RPS6KA3: variants seen among roughly 807,000 people sequenced by gnomAD.
The protein encoded by RPS6KA3 is ribosomal protein S6 kinase A3.
In RPS6KA3, 4 loss-of-function variants were observed where a neutral mutation model predicts 67.2. That is an observed-to-expected ratio of 0.06 (90% CI 0.03 to 0.14). The LOEUF (loss-of-function observed/expected upper bound fraction) is 0.14. RPS6KA3 is among the 10% of genes least tolerant of loss of function. The pLI is 1.00. For synonymous variants in RPS6KA3, 182 were observed against 183.7 expected (o/e 0.99, Z 0.07); for missense variants, 204 against 559.0 (o/e 0.36, Z 6.40).
At chrX:20,195,029 G>C in intron 5 of RPS6KA3, 36 bp downstream of exon 5, 1 of 882,865 alleles carries the variant, frequency 1.1e-6, no homozygotes. Flanking sequence ...TGAGGGATGA[G>C]GTCAAGGGAT....
chrX:20,207,691 GA>G (rs1007733781), intron 3 of RPS6KA3, among the ~76,000 whole-genome samples: 61 of 111,385 alleles, frequency 5.5e-4, no homozygotes, highest in African/African-American at 1.9e-3. Flanking sequence ...ATAAATAGAA[GA>G]AAAAAAATTG....
At chrX:20,246,634 T>C (rs1186200926) in intron 1 of RPS6KA3, among the ~76,000 whole-genome samples, 3 of 111,971 alleles carry the variant, frequency 2.7e-5, no homozygotes, top group Non-Finnish European at 5.6e-5. Context: ...TTATTTGCTG[T>C]GACTGTGGCA....
At chrX:20,264,432 C>G (rs2070318425) in intron 1 of RPS6KA3, among the ~76,000 whole-genome samples, 1 of 112,220 alleles carries the variant, frequency 8.9e-6, no homozygotes, top group African/African-American at 3.2e-5. Context: ...TTTGGAACAG[C>G]TACCCTGATA....
At chrX:20,252,681 A>G (rs1430669815) in intron 1 of RPS6KA3, among the ~76,000 whole-genome samples, 1 of 110,894 alleles carries the variant, frequency 9.0e-6, no homozygotes, top group East Asian at 2.8e-4. Context: ...AGGAAAGCAG[A>G]GGGCTGACTC....
In RPS6KA3 at chrX:20,167,198, G is replaced by A. The variant is rs768871335; in HGVS notation, c.1602+391C>T. The stretch of plus-strand genomic sequence containing the variant: ...AGAACGAAGAGCATATCCACCAGCC[G>A]AAGCATGTGACTCCTTGGCCTCATT... On this transcript the variant is annotated intron_variant, in intron 17 of 21. Coordinates refer to ENST00000379565, the MANE Select transcript of RPS6KA3 (RefSeq NM_004586.3). Among the ~76,000 whole-genome samples the A allele has an allele frequency of 3.6e-5, 4 of 111,813 alleles. No individual in the cohort carries two copies. The South Asian group carries it at 1.1e-3, about 31-fold the overall frequency.
At chrX:20,223,734 C>T (rs1331390798) in intron 2 of RPS6KA3, among the ~76,000 whole-genome samples, 1 of 111,872 alleles carries the variant, frequency 8.9e-6, no homozygotes, top group East Asian at 2.8e-4. Context: ...AAGCAAATCT[C>T]AGACGTTATA....
At chrX:20,175,759 A>C (rs1317596618) in intron 13 of RPS6KA3, among the ~76,000 whole-genome samples, 1 of 111,933 alleles carries the variant, frequency 8.9e-6, no homozygotes, top group Non-Finnish European at 1.9e-5. Flanking sequence ...CCATATTAGA[A>C]ACTGCAGCCC....
chrX:20,164,666 T>C (rs1242291535), intron 18 of RPS6KA3, among the ~76,000 whole-genome samples: 3 of 111,284 alleles, frequency 2.7e-5, no homozygotes. Flanking sequence ...ATTACAGGCA[T>C]GAGCCACCAT....
At chrX:20,239,402 G>C (rs769059731) in intron 1 of RPS6KA3, among the ~76,000 whole-genome samples, 15 of 111,825 alleles carry the variant, frequency 1.3e-4, no homozygotes, top group African/African-American at 4.8e-4. Context: ...CCACTAAGCA[G>C]GGTGGAAGAG....
intron 14 of RPS6KA3, among the ~76,000 whole-genome samples, chrX:20,173,703 T>C (rs1363966692): frequency 8.9e-6 from 1 of 112,723 alleles, no homozygotes; most frequent in Non-Finnish European, 1.9e-5. Flanking sequence ...CATACATTCA[T>C]GTGCTTGCAT....
intron 1 of RPS6KA3, among the ~76,000 whole-genome samples, chrX:20,241,364 G>C (rs1324227527): frequency 2.8e-5 from 3 of 107,751 alleles, no homozygotes; most frequent in African/African-American, 1.0e-4. Context: ...ACTGTGAATA[G>C]CAAGTATTAG....
chrX:20,196,731 C>T (rs1170661563), intron 4 of RPS6KA3, among the ~76,000 whole-genome samples: 4 of 112,106 alleles, frequency 3.6e-5, no homozygotes, highest in Non-Finnish European at 7.5e-5. Flanking sequence ...TTGATGTCTA[C>T]GCAGCTCTTT....
chrX:20,173,697 C>T (rs1284004197), intron 14 of RPS6KA3, among the ~76,000 whole-genome samples: 1 of 112,514 alleles, frequency 8.9e-6, no homozygotes, highest in Non-Finnish European at 1.9e-5. Context: ...ACTTGCCATA[C>T]ATTCATGTGC....
At chrX:20,169,976 G>A (rs2067532737) in intron 15 of RPS6KA3, among the ~76,000 whole-genome samples, 1 of 112,046 alleles carries the variant, frequency 8.9e-6, no homozygotes, top group Admixed American at 9.5e-5. Context: ...TGAATATCCT[G>A]TTAGCTGTAA....
chrX:20,166,531 T>A (rs116277406), intron 17 of RPS6KA3, among the ~76,000 whole-genome samples: 1,735 of 111,152 alleles, frequency 0.016, 36 homozygotes, highest in African/African-American at 0.054. Context: ...AAGTAATCTT[T>A]TATATATGCA....
chrX:20,235,272 G>T (rs1293496368), intron 1 of RPS6KA3, among the ~76,000 whole-genome samples: 2 of 110,781 alleles, frequency 1.8e-5, no homozygotes, highest in Non-Finnish European at 3.8e-5. Context: ...ATTTAGATGT[G>T]AAAAAATAAA....
chrX:20,218,692 T>C, intron 2 of RPS6KA3: 3 of 568,448 alleles, frequency 5.3e-6, no homozygotes, highest in Non-Finnish European at 8.5e-6. Context: ...TTTTGAATTT[T>C]GAAAAGCTGC....
At chrX:20,224,975 C>T (rs767148311) in intron 2 of RPS6KA3, among the ~76,000 whole-genome samples, 1 of 111,340 alleles carries the variant, frequency 9.0e-6, no homozygotes, top group Non-Finnish European at 1.9e-5. Flanking sequence ...TCATGCTTGT[C>T]TAAAATAGTT....
chrX:20,235,055 A>T (rs748185726), intron 1 of RPS6KA3, among the ~76,000 whole-genome samples: 46 of 112,004 alleles, frequency 4.1e-4, no homozygotes, highest in African/African-American at 1.4e-3. Context: ...AATGATTATT[A>T]CCTTTCCACG....
Sources: allele counts gnomAD v4.1 joint callset (sites outside exome capture counted in the v4.1 genomes callset), GRCh38; gene constraint gnomAD v4.1.1; transcripts MANE v1.5; gene names NCBI Gene and HGNC (gene_info 2026-07-23, HGNC 2026-07-21).